Variants in USP22 observed in about 807,000 individuals in gnomAD.
The protein encoded by USP22 is ubiquitin specific peptidase 22.
Under a neutral mutation model 68.1 loss-of-function variants are expected in USP22, and 22 were observed. The ratio of observed to expected loss-of-function variants is 0.32; its 90% CI spans 0.23 to 0.46. The LOEUF (loss-of-function observed/expected upper bound fraction) is 0.46, where lower values mean the gene tolerates loss of function less well. USP22 is among the 20% of genes least tolerant of loss of function. USP22 has a pLI of 1.00. For synonymous variants in USP22, 279 were observed against 274.2 expected (o/e 1.02, Z -0.17); for missense variants, 433 against 695.8 (o/e 0.62, Z 4.25).
intron 1 of USP22, among the ~76,000 whole-genome samples, chr17:21,039,643 C>A (rs988774146): frequency 1.3e-5 from 2 of 152,130 alleles, no homozygotes; most frequent in Non-Finnish European, 2.9e-5. Flanking sequence ...TTGTCATGTT[C>A]TGCCTGTTAA....
At chr17:21,007,093 G>A (rs1913806136) in intron 9 of USP22, 106 bp from the exon 10 acceptor site, 1 of 975,458 alleles carries the variant, frequency 1.0e-6, no homozygotes, top group Admixed American at 3.0e-5. Flanking sequence ...TATCTCTTTT[G>A]TATTTTATTG....
At chr17:21,007,747 G>A (rs1401556846) in intron 9 of USP22, 123 bp downstream of exon 9, 10 of 1,251,436 alleles carry the variant, frequency 8.0e-6, no homozygotes, top group East Asian at 4.7e-5. Flanking sequence ...TCCCTTCCTC[G>A]GTGTTCTTCC....
intron 1 of USP22, among the ~76,000 whole-genome samples, chr17:21,031,440 T>C (rs186082493): frequency 3.9e-5 from 6 of 152,348 alleles, no homozygotes; most frequent in African/African-American, 1.2e-4. Context: ...CACTCCATTA[T>C]AGTCTATCTC....
intron 6 of USP22, among the ~76,000 whole-genome samples, chr17:21,013,884 C>G (rs1199170108): frequency 6.6e-6 from 1 of 152,192 alleles, no homozygotes; most frequent in Non-Finnish European, 1.5e-5. Flanking sequence ...ACCATCCTGG[C>G]TAACACGGTG....
Position 21,002,882 on chromosome 17 carries a change from A to T in USP22, c.*149T>A. ...GGTCCATCCCGACCCGATGGGTCCC[A>T]GGTGCAGAGGGGCCACATCTGCATG... is the stretch of plus-strand genomic sequence containing the variant. On this transcript the variant is annotated 3_prime_UTR_variant, in exon 13 of 13. Coordinates refer to ENST00000261497, the MANE Select transcript of USP22 (RefSeq NM_015276.2). The T allele has an allele frequency of 2.2e-6, 2 of 922,390 alleles. No individual in the cohort carries two copies. The highest frequency in any genetic ancestry group is 3.4e-6 in the Non-Finnish European group (2 of 584,172). 57.1% of individuals were successfully genotyped at this position (922,390 alleles called of 1,614,324 possible).
chr17:21,003,949 T>C (rs1352075260), intron 12 of USP22, among the ~76,000 whole-genome samples: 1 of 150,632 alleles, frequency 6.6e-6, no homozygotes, highest in East Asian at 1.9e-4. Flanking sequence ...GTTCACGCAG[T>C]TAAAAAACAA....
At chr17:21,006,504 G>A (rs1248405326) in intron 10 of USP22, 1 of 121,876 alleles carries the variant, frequency 8.2e-6, no homozygotes, top group Non-Finnish European at 1.7e-5. Flanking sequence ...AGTATCGACA[G>A]TCATTTTTTT....
chr17:21,017,419 C>G (rs1201384015), intron 5 of USP22, among the ~76,000 whole-genome samples: 2 of 152,208 alleles, frequency 1.3e-5, no homozygotes, highest in East Asian at 1.9e-4. Flanking sequence ...ACGCCTTGCT[C>G]TGAACGCTGC....
At chr17:21,010,165 A>T (rs1173566015) in intron 8 of USP22, among the ~76,000 whole-genome samples, 1 of 152,140 alleles carries the variant, frequency 6.6e-6, no homozygotes, top group Non-Finnish European at 1.5e-5. Flanking sequence ...CCCTATCTCA[A>T]AAAACAAAAT....
chr17:21,036,384 A>G (rs1236991257), intron 1 of USP22, among the ~76,000 whole-genome samples: 1 of 152,204 alleles, frequency 6.6e-6, no homozygotes, highest in Non-Finnish European at 1.5e-5. Context: ...CTGAGGCAGA[A>G]GAAACCAATT....
In USP22 at chr17:21,002,155, TCTC is replaced by T. The variant is rs1018740556; in HGVS notation, c.*873_*875del. 2 of 152,028 alleles carry T rather than the reference TCTC, an allele frequency of 1.3e-5. No homozygotes were observed. The highest frequency in any genetic ancestry group is 4.8e-5 in the African/African-American group (2 of 41,314). The allele number at this position is 152,028 out of a possible 1,614,324, so 9.4% of individuals were successfully genotyped here. On this transcript the variant is annotated 3_prime_UTR_variant, in exon 13 of 13. Transcript: ENST00000261497. ...CACACCGTATGAGCTGCAGCACAAC[TCTC>T]CTCCGCTGCGCCCACTGCCAGCCAC...
intron 1 of USP22, among the ~76,000 whole-genome samples, chr17:21,039,467 C>T (rs1348154748): frequency 6.6e-6 from 1 of 151,880 alleles, no homozygotes; most frequent in Non-Finnish European, 1.5e-5. Flanking sequence ...ATCCCAGCTA[C>T]TTGGGAGAAT....
intron 8 of USP22, among the ~76,000 whole-genome samples, 183 bp downstream of exon 8, chr17:21,010,968 A>G (rs1460483618): frequency 3.3e-5 from 5 of 152,162 alleles, no homozygotes. Flanking sequence ...GGACAGAAAT[A>G]TTGAGTCATC....
chr17:21,006,719 G>A (rs1567789873), intron 10 of USP22, 177 bp downstream of exon 10: 2 of 390,050 alleles, frequency 5.1e-6, no homozygotes, highest in Non-Finnish European at 9.5e-6. Flanking sequence ...TGGCCATGAT[G>A]GTCTCAATCT....
chr17:21,014,628 G>C (rs1914074785), intron 6 of USP22, among the ~76,000 whole-genome samples: 1 of 152,166 alleles, frequency 6.6e-6, no homozygotes, highest in African/African-American at 2.4e-5. Flanking sequence ...AGAACCCATA[G>C]GTTGTACGTA....
At chr17:21,019,351 A>G (rs1158854553) in intron 3 of USP22, among the ~76,000 whole-genome samples, 166 bp from the exon 4 acceptor site, 1 of 152,252 alleles carries the variant, frequency 6.6e-6, no homozygotes, top group Non-Finnish European at 1.5e-5. Flanking sequence ...GAGGGGCTAC[A>G]CACAACACTT....
rs772883730 is a variant in USP22 at position 21,004,999 on chromosome 17, G to T, written c.1323-9C>A. On this transcript the variant is annotated splice_polypyrimidine_tract_variant and intron_variant, in intron 10 of 12. Coordinates refer to ENST00000261497, the MANE Select transcript of USP22 (RefSeq NM_015276.2). ...TCATCCTGCTCTCTTTGCTGTAACA[G>T]ACAACGGCAGGATTCAGCATCATTA... 1 of 1,614,144 alleles carries T rather than the reference G, an allele frequency of 6.2e-7. No homozygotes were observed. The highest frequency in any genetic ancestry group is 2.2e-5 in the East Asian group (1 of 44,874).
chr17:21,019,272 G>T, intron 3 of USP22, 87 bp from the exon 4 acceptor site: 2 of 1,320,024 alleles, frequency 1.5e-6, no homozygotes, highest in Middle Eastern at 1.8e-4. Context: ...GCGCTATGCT[G>T]TCTGTCAGGG....
Position 21,042,818 on chromosome 17 carries a change from C to A in USP22, c.18G>T (p.Glu6Asp), listed in dbSNP as rs1443550608. 4 of 1,434,004 alleles carry A rather than the reference C, an allele frequency of 2.8e-6. No individual in the cohort carries two copies. Among genetic ancestry groups the A allele is most frequent in the Non-Finnish European group, 3.7e-6 (4 of 1,090,244 alleles). 88.8% of individuals were successfully genotyped at this position (1,434,004 alleles called of 1,614,324 possible). ...CGGCGTCCATGGCCTCGCCCTCGGG[C>A]TCTGGCCGGGACACCATGGGGGGCA... is the stretch of plus-strand genomic sequence containing the variant. MVSRP[E>D]PEGEAMDAEL... The change falls in exon 1 of 13, where the codon GAG becomes GAT. Residue 6 changes from glutamate to aspartate, a missense_variant. Glu to Asp is a conservative substitution (Grantham distance 45). Coordinates refer to ENST00000261497, the MANE Select transcript of USP22 (RefSeq NM_015276.2).
Sources: allele counts gnomAD v4.1 joint callset (sites outside exome capture counted in the v4.1 genomes callset), GRCh38; gene constraint gnomAD v4.1.1; transcripts MANE v1.5; gene names NCBI Gene and HGNC (gene_info 2026-07-23, HGNC 2026-07-21).